The following TRIM3 variants were observed in gnomAD, a reference collection of about 807,000 sequenced individuals.
TRIM3 encodes the protein tripartite motif-containing protein 3.
In TRIM3, 13 loss-of-function variants were observed where a neutral mutation model predicts 66.6. The observed-to-expected ratio is 0.20, with a 90% CI of 0.13 to 0.31. The LOEUF (loss-of-function observed/expected upper bound fraction) is 0.31. Ranked by LOEUF, TRIM3 falls within the 10% of genes least tolerant of loss-of-function variation. The pLI is 1.00. For missense variants in TRIM3, 711 were observed against 1,020.4 expected (o/e 0.70, Z 4.13); for synonymous variants, 406 against 411.7 (o/e 0.99, Z 0.17).
Position 6,448,998 on chromosome 11 carries a change from C to T in TRIM3, c.*30G>A. 2 of 1,611,076 alleles carry T rather than the reference C, an allele frequency of 1.2e-6. No homozygotes were observed. The highest frequency in any genetic ancestry group is 1.7e-6 in the Non-Finnish European group (2 of 1,177,418). On this transcript the variant is annotated 3_prime_UTR_variant, in exon 12 of 12. Transcript: ENST00000345851. ...TGTCCAATCACCCCAATGTCTGTCCCTCCACAAGCCAGGCAGGGCCTCTGT... is the reference window on the plus strand; with the variant it reads ...TGTCCAATCACCCCAATGTCTGTCCTTCCACAAGCCAGGCAGGGCCTCTGT...
At chr11:6,467,492 G>A (rs746158822) in intron 1 of TRIM3, among the ~76,000 whole-genome samples, 53 of 152,210 alleles carry the variant, frequency 3.5e-4, no homozygotes, top group Non-Finnish European at 6.3e-4. Flanking sequence ...TTGGCTGGGT[G>A]CAGTGGCTCA....
Position 6,450,480 on chromosome 11 carries a change from A to G in TRIM3, c.1941+71T>C. 1 of 1,348,968 alleles carries G rather than the reference A, an allele frequency of 7.4e-7. No homozygotes were observed. 83.6% of individuals were successfully genotyped at this position (1,348,968 alleles called of 1,614,324 possible). On this transcript the variant is annotated intron_variant, in intron 10 of 11. Transcript: ENST00000345851. This position sits in a 1 kb window ranked among gnomAD's most constrained non-coding sequence, Gnocchi z 4.8. ...CTCAAAGGGGAAAAGGAGGAGGTAA[A>G]ATAGAGAGGAGTCTTGTGGAAGAGG...
chr11:6,460,067 T>C (rs1290721148), intron 2 of TRIM3, among the ~76,000 whole-genome samples: 1 of 152,106 alleles, frequency 6.6e-6, no homozygotes, highest in African/African-American at 2.4e-5. Flanking sequence ...TAGCAAAAAC[T>C]GAATGAGGAC....
In TRIM3 at chr11:6,448,948, G is replaced by A; in HGVS notation, c.*80C>T. On this transcript the variant is annotated 3_prime_UTR_variant, in exon 12 of 12. Transcript: ENST00000345851. ...GCCCACATTCAGTGCTGCCAGGTCT[G>A]GCCCACCTCCCAGCCAGACCCTCTT... 6.4e-7 allele frequency: 1 copy of A among 1,574,250 alleles called. No homozygotes were observed. Among genetic ancestry groups the A allele is most frequent in the African/African-American group, 1.3e-5 (1 of 74,454 alleles).
At chr11:6,465,017 A>C (rs1481615985) in intron 2 of TRIM3, among the ~76,000 whole-genome samples, 1 of 149,006 alleles carries the variant, frequency 6.7e-6, no homozygotes, top group Non-Finnish European at 1.5e-5. Flanking sequence ...AAAAAGAGTA[A>C]GGATCTTATC....
chr11:6,471,675 T>C (rs1006121447), intron 1 of TRIM3, among the ~76,000 whole-genome samples: 3 of 152,184 alleles, frequency 2.0e-5, no homozygotes, highest in Admixed American at 6.5e-5. Flanking sequence ...AACTACAATG[T>C]GATAAGTACC....
chr11:6,457,646 A>G lies in TRIM3; in HGVS notation c.515+50T>C. 3 of 1,588,228 alleles carry G rather than the reference A, an allele frequency of 1.9e-6. No homozygotes were observed. The highest frequency in any genetic ancestry group is 2.6e-6 in the Non-Finnish European group (3 of 1,163,984). On this transcript the variant is annotated intron_variant, in intron 4 of 11. Coordinates refer to ENST00000345851, the MANE Select transcript of TRIM3 (RefSeq NM_033278.4). The surrounding 1 kb of genome is among the most constrained non-coding windows in gnomAD (Gnocchi z 4.5). ...TTTATTCCCCTCCCCGCCCGAGCTA[A>G]GACACCATCCCTGTGGCCCCACCAG...
intron 2 of TRIM3, among the ~76,000 whole-genome samples, chr11:6,462,901 A>AC (rs1322754578): frequency 1.3e-5 from 2 of 151,944 alleles, no homozygotes; most frequent in African/African-American, 4.8e-5. Context: ...CTAAAAAAAA[A>AC]ATAAAATTTA....
At position 6,450,313 on chromosome 11, in the gene TRIM3, T is replaced by C. The variant is rs1668504260; in HGVS notation, c.1941+238A>G. 1 of 546,026 alleles carries C rather than the reference T, an allele frequency of 1.8e-6. No homozygotes were observed. Among genetic ancestry groups the C allele is most frequent in the Admixed American group, 3.3e-5 (1 of 30,438 alleles). The allele number at this position is 546,026 out of a possible 1,614,324, so 33.8% of individuals were successfully genotyped here. On this transcript the variant is annotated intron_variant, in intron 10 of 11. Coordinates refer to ENST00000345851, the MANE Select transcript of TRIM3 (RefSeq NM_033278.4). The surrounding 1 kb of genome is among the most constrained non-coding windows in gnomAD (Gnocchi z 4.8). ...ATATTGTAATTTTTTGGTTACCTTT[T>C]TCTCTTCCCTACTAGACTATAATCA...
At chr11:6,470,803 A>G (rs1416620788) in intron 1 of TRIM3, among the ~76,000 whole-genome samples, 1 of 152,246 alleles carries the variant, frequency 6.6e-6, no homozygotes, top group Non-Finnish European at 1.5e-5. Context: ...AGGAACCTCA[A>G]TATTTAAGAG....
At position 6,449,206 on chromosome 11, in the gene TRIM3, G is replaced by A; in HGVS notation, c.2083-26C>T. ...CTGGGGAAGGAGTGCAGAAAGGAGG[G>A]AGAGGCAAGATCAGGCAGATGAGAG... On this transcript the variant is annotated intron_variant, in intron 11 of 11. Transcript: ENST00000345851. This position sits in a 1 kb window ranked among gnomAD's most constrained non-coding sequence, Gnocchi z 5.3. 6.2e-7 allele frequency: 1 copy of A among 1,612,424 alleles called. No individual in the cohort carries two copies. The highest frequency in any genetic ancestry group is 8.5e-7 in the Non-Finnish European group (1 of 1,178,522).
Position 6,450,440 on chromosome 11 carries a change from G to T in TRIM3, c.1941+111C>A. 2 of 953,264 alleles carry T rather than the reference G, an allele frequency of 2.1e-6. No homozygotes were observed. The highest frequency in any genetic ancestry group is 1.7e-6 in the Non-Finnish European group (1 of 594,826). 59.1% of individuals were successfully genotyped at this position (953,264 alleles called of 1,614,324 possible). On this transcript the variant is annotated intron_variant, in intron 10 of 11. Coordinates refer to ENST00000345851, the MANE Select transcript of TRIM3 (RefSeq NM_033278.4). This position sits in a 1 kb window ranked among gnomAD's most constrained non-coding sequence, Gnocchi z 4.8. ...ATGCATAAATGTGTAAATGTGTATT[G>T]TTTGAGTGAATGATCTCAAAGGGGA... is the stretch of plus-strand genomic sequence containing the variant.
Position 6,456,001 on chromosome 11 carries a change from C to T in TRIM3, c.1533+71G>A. The stretch of plus-strand genomic sequence containing the variant: ...TCTTCCAGGAGGTGACCTGTACATT[C>T]TATCTTTTCAGTAGCCTGTAGCTTG... On this transcript the variant is annotated intron_variant, in intron 7 of 11. Transcript: ENST00000345851. The surrounding 1 kb of genome is among the most constrained non-coding windows in gnomAD (Gnocchi z 6.4). The T allele has an allele frequency of 1.4e-6, 2 of 1,473,138 alleles. No homozygotes were observed. Among genetic ancestry groups the T allele is most frequent in the Non-Finnish European group, 1.9e-6 (2 of 1,055,070 alleles). 91.3% of individuals were successfully genotyped at this position (1,473,138 alleles called of 1,614,324 possible). A position where few individuals can be genotyped will look rare whatever the true frequency, so the allele number is the denominator to read the frequency against.
chr11:6,456,195 G>C lies in TRIM3; in HGVS notation c.1430-20C>G, dbSNP rs968994303. On this transcript the variant is annotated intron_variant, in intron 6 of 11. Transcript: ENST00000345851. This position sits in a 1 kb window ranked among gnomAD's most constrained non-coding sequence, Gnocchi z 6.4. ...GACTGCCTGTGGGAAGGGACAGGAG[G>C]GAAAACAAAATAATTCATTCAGAGG... is the stretch of plus-strand genomic sequence containing the variant. 1 of 1,612,836 alleles carries C rather than the reference G, an allele frequency of 6.2e-7. No homozygotes were observed. Among genetic ancestry groups the C allele is most frequent in the Non-Finnish European group, 8.5e-7 (1 of 1,179,026 alleles).
chr11:6,450,292 T>C lies in TRIM3; in HGVS notation c.1941+259A>G. The C allele has an allele frequency of 3.8e-6, 2 of 524,354 alleles. No homozygotes were observed. Among genetic ancestry groups the C allele is most frequent in the Non-Finnish European group, 6.8e-6 (2 of 293,416 alleles). 32.5% of individuals were successfully genotyped at this position (524,354 alleles called of 1,614,324 possible). Reference sequence around the variant, plus strand: ...TATCACAGAATCTATTACATCATATTGTAATTTTTTGGTTACCTTTTTCTC... The same window carrying C: ...TATCACAGAATCTATTACATCATATCGTAATTTTTTGGTTACCTTTTTCTC... On this transcript the variant is annotated intron_variant, in intron 10 of 11. Coordinates refer to ENST00000345851, the MANE Select transcript of TRIM3 (RefSeq NM_033278.4). This position sits in a 1 kb window ranked among gnomAD's most constrained non-coding sequence, Gnocchi z 4.8.
intron 2 of TRIM3, among the ~76,000 whole-genome samples, chr11:6,460,257 G>A (rs1850165337): frequency 2.0e-5 from 3 of 152,304 alleles, no homozygotes; most frequent in South Asian, 4.1e-4. Context: ...TTTGTCTGTA[G>A]GGAAAACAGG....
chr11:6,466,207 T>C (rs1262467260), intron 1 of TRIM3, among the ~76,000 whole-genome samples: 1 of 152,102 alleles, frequency 6.6e-6, no homozygotes, highest in Non-Finnish European at 1.5e-5. Flanking sequence ...CTGACCCACC[T>C]CTTAGCACAA....
At position 6,450,359 on chromosome 11, in the gene TRIM3, G is replaced by C. The variant is rs553236952; in HGVS notation, c.1941+192C>G. On this transcript the variant is annotated intron_variant, in intron 10 of 11. Coordinates refer to ENST00000345851, the MANE Select transcript of TRIM3 (RefSeq NM_033278.4). This position sits in a 1 kb window ranked among gnomAD's most constrained non-coding sequence, Gnocchi z 4.8. ...AATCAAGAAGACACAGAATACATTT[G>C]CTTTGTGCATCACTGTATCTCCAGC... The C allele has an allele frequency of 1.7e-6, 1 of 595,920 alleles. No individual in the cohort carries two copies. Among genetic ancestry groups the C allele is most frequent in the Non-Finnish European group, 3.0e-6 (1 of 334,638 alleles). 36.9% of individuals were successfully genotyped at this position (595,920 alleles called of 1,614,324 possible). A position where few individuals can be genotyped will look rare whatever the true frequency, so the allele number is the denominator to read the frequency against.
intron 1 of TRIM3, among the ~76,000 whole-genome samples, chr11:6,468,787 CA>C (rs1850568888): frequency 6.6e-6 from 1 of 152,184 alleles, no homozygotes; most frequent in African/African-American, 2.4e-5. Context: ...CCAAAATAGG[CA>C]ATGAATAGGA....
Sources: allele counts gnomAD v4.1 joint callset (sites outside exome capture counted in the v4.1 genomes callset), GRCh38; gene constraint gnomAD v4.1.1; non-coding constraint Gnocchi (gnomAD v3.1); transcripts MANE v1.5; gene names NCBI Gene and HGNC (gene_info 2026-07-23, HGNC 2026-07-21).